The following KANK1 variants were observed in gnomAD, a reference collection of about 807,000 sequenced individuals.
KANK1 encodes KN motif and ankyrin repeat domains 1, also known as KN motif and ankyrin repeat domain-containing protein 1.
In KANK1, 109 loss-of-function variants were observed where a neutral mutation model predicts 106.2. That is an observed-to-expected ratio of 1.03 (90% confidence interval 0.88 to 1.20). The LOEUF (loss-of-function observed/expected upper bound fraction) is 1.20, where lower values mean the gene tolerates loss of function less well. KANK1 is among the 50% of genes most tolerant of loss of function. KANK1 has a pLI of 0.00. For synonymous variants in KANK1, 873 were observed against 652.2 expected (o/e 1.34, Z -5.16); for missense variants, 2,399 against 1,710.7 (o/e 1.40, Z -7.10).
At chr9:479,884 T>C (rs2058172973) in intron 3 of KANK1, among the ~76,000 whole-genome samples, 1 of 152,174 alleles carries the variant, frequency 6.6e-6, no homozygotes, top group Non-Finnish European at 1.5e-5. Flanking sequence ...GCCCCCCCAG[T>C]AAGTATAATT....
chr9:614,142 G>C lies in KANK1; in HGVS notation c.-83-62748G>C, dbSNP rs1252563713. Among the ~76,000 whole-genome samples the C allele has an allele frequency of 3.9e-5, 6 of 152,282 alleles. No homozygotes were observed. In the South Asian group the frequency reaches 1.2e-3, roughly 32 times the overall value. ...CACTTGTCCTTGCTTCTTTGTTTCT[G>C]AACTTTCAGTCCGGGGCAGGAGTTA... On this transcript the variant is annotated intron_variant, in intron 1 of 11. Transcript: ENST00000382297.
At position 732,518 on chromosome 9, in the gene KANK1, G is replaced by T. The variant is rs1564107583; in HGVS notation, c.3146G>T (p.Gly1049Val). ...EDEDTRGMAE[G>V]HHAVNIEGLK... ...GAAGACACTCGGGGAATGGCAGAAG[G>T]GCACCATGCAGTTAATATTGAAGGT... The change falls in exon 6 of 12, where the codon GGG becomes GTG. Residue 1049 changes from glycine (G) to valine (V), a missense_variant. By Grantham distance (109) the Gly-to-Val change is moderately radical. Transcript: ENST00000382297. 6.2e-7 allele frequency: 1 copy of T among 1,614,122 alleles called. No individual in the cohort carries two copies. The highest frequency in any genetic ancestry group is 8.5e-7 in the Non-Finnish European group (1 of 1,180,034).
chr9:572,524 C>G (rs1218367702), intron 1 of KANK1, among the ~76,000 whole-genome samples: 1 of 151,628 alleles, frequency 6.6e-6, no homozygotes, highest in Non-Finnish European at 1.5e-5. Flanking sequence ...TGCACTCCAG[C>G]ATGAGTGACA....
rs763650949 is a variant in KANK1, at chr9:710,983, T to C, written c.217T>C (p.Cys73Arg). The C allele has an allele frequency of 1.9e-6, 3 of 1,614,200 alleles. 1 individual carries two copies. The highest frequency in any genetic ancestry group is 2.2e-5 in the South Asian group (2 of 91,090). Residue 73 changes from cysteine to arginine, a missense_variant, in exon 3 of 12, where the codon TGC becomes CGC. Coordinates refer to ENST00000382297, the MANE Select transcript of KANK1 (RefSeq NM_015158.5). ...IQKRRKPSVP[C>R]PEPRTTSGQQ... Reference sequence around the variant, plus strand: ...GAAGAGGCGGAAGCCGTCCGTGCCATGCCCAGAACCCAGGACCACATCTGG... The same window carrying C: ...GAAGAGGCGGAAGCCGTCCGTGCCACGCCCAGAACCCAGGACCACATCTGG...
chr9:486,003 G>A lies in KANK1; in HGVS notation c.-362+12730G>A, dbSNP rs150720563. 1.2e-4 allele frequency among the ~76,000 whole-genome samples: 19 copies of A among 152,268 alleles called. No homozygotes were observed. In the East Asian group the frequency reaches 2.7e-3, roughly 22 times the overall value. ...CCCCTAGACTTCTTCAGTTCCATGA[G>A]CTGAGAAGTTTCCCGTTGTCTTTAG... On this transcript the variant is annotated intron_variant, in intron 3 of 15. Coordinates refer to the KANK1 transcript ENST00000382303.
chr9:519,403 T>C, intron 1 of KANK1, among the ~76,000 whole-genome samples: 1 of 151,728 alleles, frequency 6.6e-6, no homozygotes, highest in Admixed American at 6.6e-5. Flanking sequence ...CTTGTATATT[T>C]TCATAGGAGT....
intron 6 of KANK1, chr9:734,141 A>ACT (rs1414677849): frequency 9.4e-5 from 14 of 149,606 alleles, no homozygotes; most frequent in African/African-American, 3.5e-4. Flanking sequence ...AAACTTAAAA[A>ACT]TGGCAAAAAA....
At chr9:582,920 A>G (rs964523784) in intron 1 of KANK1, among the ~76,000 whole-genome samples, 1 of 152,242 alleles carries the variant, frequency 6.6e-6, no homozygotes, top group Non-Finnish European at 1.5e-5. Flanking sequence ...AATGTTAGCA[A>G]AGTATCTGTC....
In KANK1 at chr9:622,345, T is replaced by G. The variant is rs977300301; in HGVS notation, c.-83-54545T>G. On this transcript the variant is annotated intron_variant, in intron 1 of 11. Transcript: ENST00000382297. ...TGGTGAAAGACTGCTACAGGATAAA[T>G]AAGTCATGGTCACTGCCCTGGAAAG... Among the ~76,000 whole-genome samples, 7 of 152,118 alleles carry G rather than the reference T, an allele frequency of 4.6e-5. No individual in the cohort carries two copies. In the East Asian group the frequency reaches 1.3e-3, roughly 29 times the overall value.
At chr9:726,137 A>AT (rs915139563) in intron 3 of KANK1, among the ~76,000 whole-genome samples, 129 of 151,372 alleles carry the variant, frequency 8.5e-4, no homozygotes, top group African/African-American at 2.6e-3. Flanking sequence ...CCTCTTTTGT[A>AT]TTTTTTTTTC....
chr9:476,409 TAC>T (rs2058103970), intron 3 of KANK1, among the ~76,000 whole-genome samples: 1 of 151,934 alleles, frequency 6.6e-6, no homozygotes, highest in Non-Finnish European at 1.5e-5. Context: ...TAATCCCAGC[TAC>T]TCGCGAGGCT....
Position 678,225 on chromosome 9 carries a change from G to A in KANK1, c.37+1216G>A, listed in dbSNP as rs1816796110. Among the ~76,000 whole-genome samples the A allele has an allele frequency of 4.6e-5, 7 of 152,160 alleles. No homozygotes were observed. In the South Asian group the frequency reaches 1.5e-3, roughly 32 times the overall value. ...GCTTCTTGAGACTTTTATAGATTCT[G>A]CTGTGGGACTGCTATCAATAATAAA... On this transcript the variant is annotated intron_variant, in intron 2 of 11. Transcript: ENST00000382297.
intron 1 of KANK1, among the ~76,000 whole-genome samples, chr9:557,657 C>G (rs948473362): frequency 1.3e-5 from 2 of 152,138 alleles, no homozygotes; most frequent in African/African-American, 4.8e-5. Context: ...AAGTACTAAT[C>G]CTTGGGTGAG....
At chr9:527,163 T>C (rs1202455220) in intron 1 of KANK1, among the ~76,000 whole-genome samples, 1 of 151,706 alleles carries the variant, frequency 6.6e-6, no homozygotes, top group Non-Finnish European at 1.5e-5. Flanking sequence ...TGTCCATTCA[T>C]CCTTTCTTCC....
rs1320675113 is a variant in KANK1 at position 742,329 on chromosome 9, C to G, written c.3821C>G (p.Ala1274Gly). Residue 1274 changes from alanine to glycine, a missense_variant, in exon 10 of 12, where the codon GCC becomes GGC. By Grantham distance (60) the Ala-to-Gly change is moderately conservative. Coordinates refer to ENST00000382297, the MANE Select transcript of KANK1 (RefSeq NM_015158.5). ...DDEGSTALMC[A>G]SEHGHVEIVK... The stretch of plus-strand genomic sequence containing the variant: ...GAGGGCTCCACGGCCCTCATGTGTG[C>G]CAGCGAGCACGGACACGTGGAGATT... 5 of 1,614,124 alleles carry G rather than the reference C, an allele frequency of 3.1e-6. No individual in the cohort carries two copies. In the South Asian group the frequency reaches 5.5e-5, roughly 18 times the overall value.
intron 1 of KANK1, among the ~76,000 whole-genome samples, chr9:622,928 G>A (rs1465854918): frequency 2.0e-5 from 3 of 151,868 alleles, no homozygotes; most frequent in Admixed American, 6.6e-5. Context: ...AAGACTTAAT[G>A]GTAAGGCCTG....
chr9:470,335 T>A (rs956185555), exon 1 of KANK1: 1 of 152,306 alleles, frequency 6.6e-6, no homozygotes, highest in African/African-American at 2.4e-5. Context: ...TGCTCCAGCC[T>A]GCTCAGCAGC....
At chr9:496,380 C>A (rs952909061) in intron 3 of KANK1, among the ~76,000 whole-genome samples, 13 of 152,136 alleles carry the variant, frequency 8.5e-5, no homozygotes, top group African/African-American at 3.1e-4. Context: ...AGGGTCAAAT[C>A]CCATCCCTAC....
At chr9:484,718 G>A (rs534553389) in intron 3 of KANK1, among the ~76,000 whole-genome samples, 21 of 152,302 alleles carry the variant, frequency 1.4e-4, no homozygotes, top group African/African-American at 4.3e-4. Context: ...CTGGTGGCTT[G>A]CTGAATGGGG....
Sources: gnomAD v4.1 joint callset for allele counts (sites outside exome capture counted in the v4.1 genomes callset) on GRCh38, gnomAD v4.1.1 for gene constraint, MANE v1.5 for transcripts, NCBI Gene and HGNC (gene_info 2026-07-23, HGNC 2026-07-21) for gene names.